YJU2: variants seen among roughly 807,000 people sequenced by gnomAD.
YJU2 encodes the protein splicing factor YJU2.
In YJU2, 28 loss-of-function variants were observed where a neutral mutation model predicts 39.6. The observed-to-expected ratio is 0.71, with a 90% CI of 0.52 to 0.97. The LOEUF is 0.97. Ranked by LOEUF, YJU2 falls within the 50% of genes least tolerant of loss-of-function variation. The pLI, the probability that YJU2 is intolerant of heterozygous loss-of-function variation, is 0.00. For missense variants in YJU2, 328 were observed against 430.4 expected (o/e 0.76, Z 2.11); for synonymous variants, 184 against 182.4 (o/e 1.01, Z -0.07).
intron 7 of YJU2, among the ~76,000 whole-genome samples, chr19:4,268,129 G>A (rs866615648): frequency 7.2e-5 from 11 of 151,996 alleles, no homozygotes; most frequent in African/African-American, 2.7e-4. Flanking sequence ...ATTATTAGTA[G>A]AGGTGGGATT....
rs913803894 is a variant in YJU2 at position 4,258,132 on chromosome 19, C to T, written c.406-110C>T. 2.5e-5 allele frequency: 36 copies of T among 1,446,880 alleles called. No homozygotes were observed. The African/African-American group carries it at 3.8e-4, about 15-fold the overall frequency. 89.6% of individuals were successfully genotyped at this position (1,446,880 alleles called of 1,614,324 possible). On this transcript the variant is annotated intron_variant, in intron 4 of 7. Transcript: ENST00000262962. ...GGGGGTTCCCTGAGCAGGATGGAAA[C>T]GTGGGGGTAGGGGTTCCTCCCGTGG...
At chr19:4,254,264 A>G in intron 3 of YJU2, 91 bp from the exon 4 acceptor site, 2 of 923,768 alleles carry the variant, frequency 2.2e-6, no homozygotes, top group Non-Finnish European at 3.5e-6. Flanking sequence ...AGTAAAAATC[A>G]GAGAGAAGGG....
At chr19:4,247,590 T>TGGCGTGGC (rs1568359517) in intron 1 of YJU2, among the ~76,000 whole-genome samples, 16 of 5,146 alleles carry the variant, frequency 3.1e-3, no homozygotes, top group Admixed American at 5.1e-3. Context: ...CGCGTGTGTG[T>TGGCGTGGC]GTGTGTGTGT....
At chr19:4,256,475 CTG>C (rs945625354) in intron 4 of YJU2, among the ~76,000 whole-genome samples, 18 of 152,164 alleles carry the variant, frequency 1.2e-4, no homozygotes, top group Non-Finnish European at 2.5e-4. Context: ...GCACTGCTGT[CTG>C]TGTGTGAATT....
intron 5 of YJU2, among the ~76,000 whole-genome samples, chr19:4,260,269 C>T (rs1971060072): frequency 6.6e-6 from 1 of 151,350 alleles, no homozygotes; most frequent in African/African-American, 2.4e-5. Context: ...ACTAAAAATA[C>T]AAAAACAAAT....
At chr19:4,264,241 G>A (rs535026873) in intron 6 of YJU2, among the ~76,000 whole-genome samples, 55 of 111,932 alleles carry the variant, frequency 4.9e-4, no homozygotes, top group African/African-American at 1.8e-3. Flanking sequence ...CAGCCTGGGC[G>A]ACAGAGCGAG....
chr19:4,267,325 C>T lies in YJU2; in HGVS notation c.709-299C>T, dbSNP rs1971123480. Among the ~76,000 whole-genome samples, 2 of 152,072 alleles carry T rather than the reference C, an allele frequency of 1.3e-5. 1 individual carries two copies. The highest frequency in any genetic ancestry group is 4.1e-4 in the South Asian group (2 of 4,832). On this transcript the variant is annotated intron_variant, in intron 6 of 7. Transcript: ENST00000262962. ...TGAGTAGGAGTTCACCAAGCGAGTG[C>T]ATGGAAAAGGGGGCATCCCTGGTGA...
At chr19:4,250,773 G>C (rs918519996) in intron 2 of YJU2, among the ~76,000 whole-genome samples, 1 of 152,058 alleles carries the variant, frequency 6.6e-6, no homozygotes, top group Non-Finnish European at 1.5e-5. Context: ...TGCATGACAG[G>C]CAGGCCTCAC....
At chr19:4,264,502 T>C (rs1364772600) in intron 6 of YJU2, among the ~76,000 whole-genome samples, 3 of 150,988 alleles carry the variant, frequency 2.0e-5, no homozygotes, top group Non-Finnish European at 4.4e-5. Context: ...TCTTTTTTTT[T>C]TTTTAGACAG....
At chr19:4,251,201 C>T (rs1320149440) in intron 3 of YJU2, 30 bp downstream of exon 3, 27 of 1,608,660 alleles carry the variant, frequency 1.7e-5, no homozygotes, top group African/African-American at 2.7e-5. Flanking sequence ...AGGCCGGTCC[C>T]TCTCCCCCAG....
Position 4,267,665 on chromosome 19 carries a change from CGTTGGCAGCCT to C in YJU2, c.752_762del (p.Val251GlyfsTer63). ...GGAAGGTGGAGGTCTGGGAGCAGAG[CGTTGGCAGCCT>C]GGGCAGCCGGCCCCCGCTGTCGAGG... On this transcript the variant is annotated frameshift_variant, in exon 7 of 8. Transcript: ENST00000262962. LOFTEE classifies it high-confidence loss of function. The C allele has an allele frequency of 6.2e-7, 1 of 1,613,490 alleles. No individual in the cohort carries two copies. The highest frequency in any genetic ancestry group is 8.5e-7 in the Non-Finnish European group (1 of 1,179,914).
Position 4,267,773 on chromosome 19 carries a change from A to G in YJU2, c.858A>G (p.Pro286=). 6.2e-7 allele frequency: 1 copy of G among 1,611,226 alleles called. No individual in the cohort carries two copies. Among genetic ancestry groups the G allele is most frequent in the East Asian group, 2.2e-5 (1 of 44,820 alleles). The change falls in exon 7 of 8, where the codon CCA becomes CCG. Residue 286 remains proline (P), a splice_region_variant and synonymous_variant. Coordinates refer to ENST00000262962, the MANE Select transcript of YJU2 (RefSeq NM_018074.6). ...GGCAGCCTCAGGCGGCCCCCACCCC[A>G]GGTAAGGTCACAGAGTTCCCAGAGC... The part of the protein sequence containing the change: ...SNGQPQAAPT[P]GAPQNRKEAN...
chr19:4,254,587 G>A, intron 4 of YJU2, 98 bp downstream of exon 4: 1 of 1,439,806 alleles, frequency 6.9e-7, no homozygotes, highest in Non-Finnish European at 9.2e-7. Flanking sequence ...CCCCAAGGAA[G>A]GAAGATGGGG....
chr19:4,258,925 T>A (rs1971046904), intron 5 of YJU2, among the ~76,000 whole-genome samples: 1 of 151,960 alleles, frequency 6.6e-6, no homozygotes, highest in South Asian at 2.1e-4. Flanking sequence ...AACCATGGTG[T>A]TTGCAGGAAC....
At chr19:4,267,193 T>C (rs978124511) in intron 6 of YJU2, among the ~76,000 whole-genome samples, 3 of 151,984 alleles carry the variant, frequency 2.0e-5, no homozygotes, top group East Asian at 1.9e-4. Context: ...GAGAGAGTTA[T>C]AACAGCCAGC....
At chr19:4,262,139 G>A (rs958782330) in intron 6 of YJU2, 25 bp downstream of exon 6, 2 of 1,583,436 alleles carry the variant, frequency 1.3e-6, no homozygotes, top group South Asian at 1.1e-5. Context: ...TGAGTCCTGG[G>A]GGCTCCCAGG....
At chr19:4,258,783 G>A (rs898935226) in intron 5 of YJU2, among the ~76,000 whole-genome samples, 5 of 152,184 alleles carry the variant, frequency 3.3e-5, no homozygotes, top group East Asian at 1.9e-4. Flanking sequence ...TGGAGGACTC[G>A]AGAAAGGCGC....
intron 6 of YJU2, among the ~76,000 whole-genome samples, chr19:4,263,465 CTG>C (rs1035716107): frequency 5.9e-5 from 9 of 152,170 alleles, no homozygotes; most frequent in African/African-American, 2.2e-4. Flanking sequence ...GCGAAGGAAA[CTG>C]TGAGATGCAT....
chr19:4,248,783 G>C (rs1051778593), intron 1 of YJU2, among the ~76,000 whole-genome samples: 3 of 152,188 alleles, frequency 2.0e-5, no homozygotes, highest in Admixed American at 2.0e-4. Context: ...GCGGGGAGTG[G>C]TGGTGGGCGC....
Sources: allele counts gnomAD v4.1 joint callset (sites outside exome capture counted in the v4.1 genomes callset), GRCh38; gene constraint gnomAD v4.1.1; transcripts MANE v1.5; gene names NCBI Gene and HGNC (gene_info 2026-07-23, HGNC 2026-07-21).